Variants in PRRC2A observed in about 807,000 individuals in gnomAD.
The protein encoded by PRRC2A is proline rich coiled-coil 2A.
A neutral mutation model predicts 224.6 loss-of-function variants in PRRC2A; 59 were observed. That is an observed-to-expected ratio of 0.26 (90% confidence interval 0.21 to 0.33). The LOEUF (loss-of-function observed/expected upper bound fraction) is 0.33. Among genes scored for constraint, PRRC2A ranks in the 10% least tolerant of loss-of-function variants. The probability of loss-of-function intolerance (pLI) is 1.00; values close to 1 mark genes in which losing one functional copy is unlikely to be tolerated. For missense variants in PRRC2A, 3,095 were observed against 2,880.7 expected (o/e 1.07, Z -1.70); for synonymous variants, 1,194 against 1,109.5 (o/e 1.08, Z -1.51).
chr6:31,628,880 A>C (rs1776214322), intron 12 of PRRC2A: 1 of 461,588 alleles, frequency 2.2e-6, no homozygotes, highest in African/African-American at 2.0e-5. Context: ...ATAAATAAAA[A>C]TGAAAACTAT....
Position 31,636,627 on chromosome 6 carries a change from C to A in PRRC2A, c.5934+19C>A. ...CCAGCAGGTATATTGTATCTTCACA[C>A]TTCCCCTTCATTTGATTTCTCTGTC... On this transcript the variant is annotated intron_variant, in intron 27 of 30. Transcript: ENST00000376033. This position sits in a 1 kb window ranked among gnomAD's most constrained non-coding sequence, Gnocchi z 4.3. 6.3e-7 allele frequency: 1 copy of A among 1,587,344 alleles called. No individual in the cohort carries two copies. Among genetic ancestry groups the A allele is most frequent in the Non-Finnish European group, 8.6e-7 (1 of 1,162,610 alleles).
chr6:31,633,599 C>A lies in PRRC2A; in HGVS notation c.4540C>A (p.Pro1514Thr). The change falls in exon 17 of 31, where the codon CCC becomes ACC. Residue 1514 changes from proline to threonine, a missense_variant. Physicochemically the swap from Pro to Thr is conservative, Grantham distance 38 (BLOSUM62 -1). Around this residue, in one of 8 missense-constraint regions of PRRC2A, gnomAD observed 2,001 missense variants for 1,764.9 expected, o/e 1.13. Coordinates refer to ENST00000376033, the MANE Select transcript of PRRC2A (RefSeq NM_004638.4). ...AGCCCCTCAGGGCCCCTCTCCTAGG[C>A]CCCCAACCCGATACGAGCCCCAGAG... The part of the protein sequence containing the change: ...PQAPQGPSPR[P>T]PTRYEPQRVN... 6.2e-7 allele frequency: 1 copy of A among 1,612,666 alleles called. No individual in the cohort carries two copies. Among genetic ancestry groups the A allele is most frequent in the Non-Finnish European group, 8.5e-7 (1 of 1,179,732 alleles).
Position 31,622,110 on chromosome 6 carries a change from GT to G in PRRC2A, c.-100-578del, listed in dbSNP as rs1163607054. ...TAGCCTGGGAGTATGTACAGCCCTAGTTGTTCTATGAGGATTTCTCTGGTAC... is the reference window on the plus strand; with the variant it reads ...TAGCCTGGGAGTATGTACAGCCCTAGTGTTCTATGAGGATTTCTCTGGTAC... On this transcript the variant is annotated intron_variant, in intron 1 of 30. Coordinates refer to ENST00000376033, the MANE Select transcript of PRRC2A (RefSeq NM_004638.4). Among the ~76,000 whole-genome samples the G allele has an allele frequency of 5.3e-5, 8 of 152,320 alleles. No individual in the cohort carries two copies. The East Asian group carries it at 1.5e-3, about 29-fold the overall frequency.
At chr6:31,624,410 C>T in intron 4 of PRRC2A, 40 bp from the exon 5 acceptor site, 1 of 1,607,532 alleles carries the variant, frequency 6.2e-7, no homozygotes. Flanking sequence ...CATAGCTGCC[C>T]CACCCACATC....
intron 14 of PRRC2A, 108 bp downstream of exon 14, chr6:31,629,953 T>C: frequency 6.6e-7 from 1 of 1,516,710 alleles, no homozygotes; most frequent in South Asian, 1.3e-5. Context: ...CCCATCATAG[T>C]GATGAGGGAA....
At chr6:31,621,966 C>G (rs1015377379) in intron 1 of PRRC2A, among the ~76,000 whole-genome samples, 3 of 152,194 alleles carry the variant, frequency 2.0e-5, no homozygotes, top group African/African-American at 7.2e-5. Context: ...CTCCATAATG[C>G]TTTTTCTCAG....
intron 13 of PRRC2A, 30 bp downstream of exon 13, chr6:31,629,364 C>T: frequency 6.5e-7 from 1 of 1,533,968 alleles, no homozygotes; most frequent in Non-Finnish European, 8.8e-7. Flanking sequence ...CCTCTAAGGG[C>T]TGCTTTTCTT....
chr6:31,629,910 G>A, intron 14 of PRRC2A, 65 bp downstream of exon 14: 1 of 1,590,152 alleles, frequency 6.3e-7, no homozygotes, highest in Non-Finnish European at 8.6e-7. Flanking sequence ...TGGATATTAG[G>A]GTCTTACTGT....
In PRRC2A at chr6:31,629,602, T is replaced by C; in HGVS notation, c.2011T>C (p.Ser671Pro). Residue 671 changes from serine to proline, a missense_variant, in exon 14 of 31, where the codon TCT (serine) becomes CCT (proline). Physicochemically the swap from Ser to Pro is moderately conservative, Grantham distance 74. Coordinates refer to ENST00000376033, the MANE Select transcript of PRRC2A (RefSeq NM_004638.4). The stretch of plus-strand genomic sequence containing the variant: ...CCAGTGGCAGCAGCATCAACAGGGC[T>C]CTGCCCCTCCTACCCCAGTGCCCCC... ...QHQWQQHQQG[S>P]APPTPVPPSP... The C allele has an allele frequency of 6.2e-7, 1 of 1,612,298 alleles. No homozygotes were observed. Among genetic ancestry groups the C allele is most frequent in the South Asian group, 1.1e-5 (1 of 91,076 alleles).
At position 31,636,658 on chromosome 6, in the gene PRRC2A, G is replaced by T; in HGVS notation, c.5934+50G>T. The T allele has an allele frequency of 6.3e-7, 1 of 1,592,036 alleles. No individual in the cohort carries two copies. The highest frequency in any genetic ancestry group is 1.3e-5 in the African/African-American group (1 of 74,560). Reference sequence around the variant, plus strand: ...CTTCATTTGATTTCTCTGTCCAGTTGCTGGCTTTGATTTTCCCTGGTTTTC... The same window carrying T: ...CTTCATTTGATTTCTCTGTCCAGTTTCTGGCTTTGATTTTCCCTGGTTTTC... On this transcript the variant is annotated intron_variant, in intron 27 of 30. Transcript: ENST00000376033. The surrounding 1 kb of genome is among the most constrained non-coding windows in gnomAD (Gnocchi z 4.3).
At position 31,631,053 on chromosome 6, in the gene PRRC2A, T is replaced by C. The variant is rs1313344179; in HGVS notation, c.2466-86T>C. 1 of 1,336,226 alleles carries C rather than the reference T, an allele frequency of 7.5e-7. No homozygotes were observed. The highest frequency in any genetic ancestry group is 1.0e-6 in the Non-Finnish European group (1 of 978,118). The allele number at this position is 1,336,226 out of a possible 1,614,324, so 82.8% of individuals were successfully genotyped here. On this transcript the variant is annotated intron_variant, in intron 15 of 30. Coordinates refer to ENST00000376033, the MANE Select transcript of PRRC2A (RefSeq NM_004638.4). This position sits in a 1 kb window ranked among gnomAD's most constrained non-coding sequence, Gnocchi z 4.5. ...CAAACAGAAAAATAGTAAAAGAGAG[T>C]CTGCATCATAATAAAGTGTTCTTTT...
chr6:31,629,128 G>T lies in PRRC2A; in HGVS notation c.1766-16G>T, dbSNP rs760429027. 29 of 1,613,724 alleles carry T rather than the reference G, an allele frequency of 1.8e-5. No individual in the cohort carries two copies. The highest frequency in any genetic ancestry group is 1.3e-5 in the Non-Finnish European group (15 of 1,179,878). ...TTGTTGGACTAGATCACTCTGTTGTGTTTTTTCCGATGCAGTGGAACCACA... is the reference window on the plus strand; with the variant it reads ...TTGTTGGACTAGATCACTCTGTTGTTTTTTTTCCGATGCAGTGGAACCACA... On this transcript the variant is annotated splice_polypyrimidine_tract_variant and intron_variant, in intron 12 of 30. Transcript: ENST00000376033.
rs1331889076 is a variant in PRRC2A at position 31,634,974 on chromosome 6, A to C, written c.5157A>C (p.Arg1719Ser). 1 of 1,612,122 alleles carries C rather than the reference A, an allele frequency of 6.2e-7. No individual in the cohort carries two copies. The highest frequency in any genetic ancestry group is 8.5e-7 in the Non-Finnish European group (1 of 1,179,510). ...CACCTGCCCCCCACGATGGGGACAG[A>C]AAGGTAAAAGACCAAAAAAGGATAA... ...RPPPAPHDGD[R>S]KELPREQPLP... The change falls in exon 21 of 31, where the codon AGA (arginine) becomes AGC (serine). Residue 1719 changes from arginine (R) to serine (S), a missense_variant. Arg to Ser is a moderately radical substitution (Grantham distance 110, BLOSUM62 -1). This residue lies in a region of PRRC2A where 662 missense variants were observed against 609.5 expected (regional missense o/e 1.09). Coordinates refer to ENST00000376033, the MANE Select transcript of PRRC2A (RefSeq NM_004638.4).
At position 31,636,441 on chromosome 6, in the gene PRRC2A, G is replaced by C; in HGVS notation, c.5835+22G>C. 1.2e-6 allele frequency: 2 copies of C among 1,612,466 alleles called. No homozygotes were observed. The highest frequency in any genetic ancestry group is 1.7e-6 in the Non-Finnish European group (2 of 1,179,586). ...TCAGGTAAGAGGGGGGCAGGTATTA[G>C]ATATTGGGGGATAGGGTAGGGAGAA... On this transcript the variant is annotated intron_variant, in intron 26 of 30. Coordinates refer to ENST00000376033, the MANE Select transcript of PRRC2A (RefSeq NM_004638.4). The surrounding 1 kb of genome is among the most constrained non-coding windows in gnomAD (Gnocchi z 4.3).
rs1312914070 is a variant in PRRC2A, at chr6:31,631,430, G to C, written c.2757G>C (p.Glu919Asp). 1.2e-6 allele frequency: 2 copies of C among 1,610,172 alleles called. No homozygotes were observed. Among genetic ancestry groups the C allele is most frequent in the South Asian group, 1.1e-5 (1 of 90,764 alleles). ...AGGGCCCCCCACCACCACGCAGAGA[G>C]AGTCGCACAGAGACCCGCTGGGGCC... is the stretch of plus-strand genomic sequence containing the variant. ...GGQGPPPPRR[E>D]SRTETRWGPR... The change falls in exon 16 of 31, where the codon GAG becomes GAC. Residue 919 changes from glutamate (E) to aspartate (D), a missense_variant. Transcript: ENST00000376033. The surrounding 1 kb of genome is among the most constrained non-coding windows in gnomAD (Gnocchi z 4.5).
intron 2 of PRRC2A, 43 bp from the exon 3 acceptor site, chr6:31,623,689 C>T: frequency 6.2e-7 from 1 of 1,601,748 alleles, no homozygotes; most frequent in Non-Finnish European, 8.5e-7. Flanking sequence ...ATCAGATCTC[C>T]CACATGAGGC....
chr6:31,627,166 G>T lies in PRRC2A; in HGVS notation c.1258G>T (p.Ala420Ser), dbSNP rs368037803. ...CCTACCCCCACCTCACCGGGGCCCC[G>T]CCGGGAACTGGGGCCCCCCTGGGGA... ...PPLPPPHRGP[A>S]GNWGPPGDYP... Residue 420 changes from alanine to serine, a missense_variant, in exon 11 of 31, where the codon GCC (alanine) becomes TCC (serine). Physicochemically the swap from Ala to Ser is moderately conservative, Grantham distance 99 (BLOSUM62 1). Coordinates refer to ENST00000376033, the MANE Select transcript of PRRC2A (RefSeq NM_004638.4). This position sits in a 1 kb window ranked among gnomAD's most constrained non-coding sequence, Gnocchi z 5.6. 1.9e-6 allele frequency: 3 copies of T among 1,612,790 alleles called. No homozygotes were observed. Among genetic ancestry groups the T allele is most frequent in the Non-Finnish European group, 1.7e-6 (2 of 1,179,472 alleles).
In PRRC2A at chr6:31,627,353, C is replaced by T. The variant is rs1055363805; in HGVS notation, c.1290+155C>T. Among the ~76,000 whole-genome samples, 2 of 152,076 alleles carry T rather than the reference C, an allele frequency of 1.3e-5. No homozygotes were observed. The highest frequency in any genetic ancestry group is 2.9e-5 in the Non-Finnish European group (2 of 68,020). ...AACATCCTGGGAAGCTTTTAAATATCTTTGGTAATAGGGGAGTCTGGGTAA... is the reference window on the plus strand; with the variant it reads ...AACATCCTGGGAAGCTTTTAAATATTTTTGGTAATAGGGGAGTCTGGGTAA... On this transcript the variant is annotated intron_variant, in intron 11 of 30. Transcript: ENST00000376033. This position sits in a 1 kb window ranked among gnomAD's most constrained non-coding sequence, Gnocchi z 5.6.
chr6:31,628,557 C>A, intron 12 of PRRC2A: 1 of 413,120 alleles, frequency 2.4e-6, no homozygotes, highest in Non-Finnish European at 4.3e-6. Flanking sequence ...AAGCAAGACC[C>A]TGTCGGCCAG....
Sources: allele counts gnomAD v4.1 joint callset (sites outside exome capture counted in the v4.1 genomes callset), GRCh38; gene constraint gnomAD v4.1.1; regional missense constraint gnomAD v4.1.1; non-coding constraint Gnocchi (gnomAD v3.1); transcripts MANE v1.5; gene names NCBI Gene and HGNC (gene_info 2026-07-23, HGNC 2026-07-21).